The following CREB5 variants were observed in gnomAD, a reference collection of about 807,000 sequenced individuals.
The protein encoded by CREB5 is cyclic AMP-responsive element-binding protein 5.
In CREB5, 19 loss-of-function variants were observed where a neutral mutation model predicts 57.1. The observed-to-expected ratio is 0.33, with a 90% CI of 0.23 to 0.49. The LOEUF (loss-of-function observed/expected upper bound fraction) is 0.49. Ranked by LOEUF, CREB5 falls within the 20% of genes least tolerant of loss-of-function variation. The pLI is 0.99. For missense variants in CREB5, 579 were observed against 671.6 expected, an observed-to-expected ratio of 0.86 and a Z score of 1.52; for synonymous variants, 238 against 238.3, an observed-to-expected ratio of 1.00 and a Z score of 0.01.
chr7:28,769,118 TA>T (rs1268051536), intron 7 of CREB5, among the ~76,000 whole-genome samples: 5 of 152,246 alleles, frequency 3.3e-5, no homozygotes, highest in African/African-American at 1.2e-4. Context: ...GGGAAGATAG[TA>T]AAAGAACAAC....
chr7:28,307,603 C>T (rs1785212389), intron 1 of CREB5, among the ~76,000 whole-genome samples: 1 of 152,348 alleles, frequency 6.6e-6, no homozygotes, highest in Admixed American at 6.5e-5. Flanking sequence ...TCTGGCAAAG[C>T]TCCAGAATCC....
intron 5 of CREB5, among the ~76,000 whole-genome samples, chr7:28,659,162 C>T (rs187145158): frequency 2.6e-5 from 4 of 151,544 alleles, no homozygotes; most frequent in South Asian, 2.1e-4. Flanking sequence ...CTAGGTGGAT[C>T]GGATTTTTCT....
intron 5 of CREB5, among the ~76,000 whole-genome samples, chr7:28,606,653 T>G (rs985059730): frequency 6.6e-6 from 1 of 152,208 alleles, no homozygotes; most frequent in Non-Finnish European, 1.5e-5. Flanking sequence ...TTTTCCTCTT[T>G]TCTTTTTAAT....
chr7:28,327,187 A>G (rs538994473), intron 1 of CREB5, among the ~76,000 whole-genome samples: 5 of 150,552 alleles, frequency 3.3e-5, no homozygotes, highest in African/African-American at 9.7e-5. Flanking sequence ...TATTTAGTAG[A>G]TTTTATCTGA....
chr7:28,658,963 A>ATATGTATATATATATATATATATATATG, intron 5 of CREB5, among the ~76,000 whole-genome samples: 1 of 117,220 alleles, frequency 8.5e-6, no homozygotes, highest in Non-Finnish European at 2.0e-5. Context: ...GTATATATAT[A>ATATGTATATATATATATATATATATATG]TATATATATA....
In CREB5 at chr7:28,443,212, C is replaced by T. The variant is rs140175523; in HGVS notation, c.3+30295C>T. Among the ~76,000 whole-genome samples the T allele has an allele frequency of 1.1e-4, 17 of 152,318 alleles. No homozygotes were observed. In the East Asian group the frequency reaches 3.3e-3, roughly 29 times the overall value. ...ATCAGCCTCATGTTCATATCACTTCCTCTTGTTCCTAGCTCCTATGAGAGT... is the reference window on the plus strand; with the variant it reads ...ATCAGCCTCATGTTCATATCACTTCTTCTTGTTCCTAGCTCCTATGAGAGT... On this transcript the variant is annotated intron_variant, in intron 1 of 10. Coordinates refer to ENST00000357727, the MANE Select transcript of CREB5 (RefSeq NM_182898.4).
In CREB5 at chr7:28,678,389, AAAAAAT is replaced by A. The variant is rs561812937; in HGVS notation, c.465-40341_465-40336del. On this transcript the variant is annotated intron_variant, in intron 5 of 10. Coordinates refer to ENST00000357727, the MANE Select transcript of CREB5 (RefSeq NM_182898.4). The stretch of plus-strand genomic sequence containing the variant: ...GGCGACAGAGTGAGACTCTGCTCAA[AAAAAAT>A]AAAAATAAAAATAAAAATAAAAGGA... Among the ~76,000 whole-genome samples, 472 of 152,336 alleles carry A rather than the reference AAAAAAT, an allele frequency of 3.1e-3. 4 individuals are homozygous for A. Among genetic ancestry groups the A allele is most frequent in the African/African-American group, 9.2e-3 (382 of 41,570 alleles).
At chr7:28,619,074 G>T (rs1478705322) in intron 5 of CREB5, among the ~76,000 whole-genome samples, 30 of 152,324 alleles carry the variant, frequency 2.0e-4, no homozygotes, top group Non-Finnish European at 1.5e-5. Context: ...TTGGGCACAT[G>T]GCCAAGTCCT....
intron 5 of CREB5, among the ~76,000 whole-genome samples, chr7:28,652,550 C>T (rs1272706035): frequency 6.6e-6 from 1 of 152,142 alleles, no homozygotes; most frequent in Admixed American, 6.5e-5. Flanking sequence ...ATTCTGTCTC[C>T]TCTACTTTCT....
At chr7:28,641,536 C>G (rs1293281642) in intron 5 of CREB5, among the ~76,000 whole-genome samples, 1 of 152,080 alleles carries the variant, frequency 6.6e-6, no homozygotes, top group South Asian at 2.1e-4. Context: ...TCCACTCTGC[C>G]GAAGCGTACC....
At chr7:28,713,709 G>A (rs113943350) in intron 5 of CREB5, among the ~76,000 whole-genome samples, 26 of 152,216 alleles carry the variant, frequency 1.7e-4, no homozygotes, top group Non-Finnish European at 2.8e-4. Context: ...CCTGAAATCC[G>A]AATTTTAGAG....
chr7:28,683,016 C>T (rs932881768), intron 5 of CREB5, among the ~76,000 whole-genome samples: 19 of 152,210 alleles, frequency 1.2e-4, no homozygotes, highest in African/African-American at 4.6e-4. Context: ...CCAAGGATGA[C>T]ACGCTCTGCA....
intron 4 of CREB5, among the ~76,000 whole-genome samples, chr7:28,561,800 G>C (rs1249327009): frequency 6.6e-5 from 10 of 152,364 alleles, no homozygotes; most frequent in African/African-American, 2.4e-4. Context: ...CTGGAGTGCA[G>C]TGGTGCAATC....
chr7:28,661,620 A>G (rs1003134336), intron 5 of CREB5, among the ~76,000 whole-genome samples: 23 of 152,140 alleles, frequency 1.5e-4, no homozygotes, highest in African/African-American at 5.6e-4. Flanking sequence ...ATAACTCCCT[A>G]TCTTTATTGA....
At position 28,315,958 on chromosome 7, in the gene CREB5, T is replaced by A. The variant is rs547169147; in HGVS notation, c.-25+16517T>A. ...GATTTTCAAGGAGACAGGTCCTGGT[T>A]TTTTTTACCTGCCAACCACATTTCC... is the stretch of plus-strand genomic sequence containing the variant. On this transcript the variant is annotated intron_variant, in intron 1 of 9. Transcript: ENST00000396299. Among the ~76,000 whole-genome samples the A allele has an allele frequency of 3.9e-5, 6 of 152,282 alleles. No individual in the cohort carries two copies. The East Asian group carries it at 1.2e-3, about 29-fold the overall frequency.
chr7:28,779,343 G>T (rs933464483), intron 7 of CREB5: 11 of 152,128 alleles, frequency 7.2e-5, no homozygotes, highest in African/African-American at 2.7e-4. Flanking sequence ...AAAGAAAAGG[G>T]CTCACTGGAC....
chr7:28,686,693 G>C (rs568594776), intron 5 of CREB5, among the ~76,000 whole-genome samples: 1 of 152,152 alleles, frequency 6.6e-6, no homozygotes, highest in Non-Finnish European at 1.5e-5. Context: ...ATGTGAGAGC[G>C]AGGGGGTCAG....
At chr7:28,651,269 T>G (rs1234184764) in intron 5 of CREB5, among the ~76,000 whole-genome samples, 1 of 152,068 alleles carries the variant, frequency 6.6e-6, no homozygotes, top group Non-Finnish European at 1.5e-5. Flanking sequence ...TTTCAGAATG[T>G]GATGGAGATA....
rs1583458998 is a variant in CREB5, at chr7:28,637,598, A to G, written c.464+67061A>G. On this transcript the variant is annotated intron_variant, in intron 5 of 10. Transcript: ENST00000357727. ...GCTTTTCTGGAAAGTGACGTTTCAG[A>G]TGAGACCCCAAGGATCAGAAAGAGC... Among the ~76,000 whole-genome samples the G allele has an allele frequency of 2.0e-5, 3 of 152,332 alleles. No individual in the cohort carries two copies. In the East Asian group the frequency reaches 5.8e-4, roughly 29 times the overall value.
Sources: gnomAD v4.1 joint callset for allele counts (sites outside exome capture counted in the v4.1 genomes callset) on GRCh38, gnomAD v4.1.1 for gene constraint, MANE v1.5 for transcripts, NCBI Gene and HGNC (gene_info 2026-07-23, HGNC 2026-07-21) for gene names.